The following FHIT variants were observed in gnomAD, a reference collection of about 807,000 sequenced individuals.
The protein encoded by FHIT is bis(5'-adenosyl)-triphosphatase.
In FHIT, 19 loss-of-function variants were observed where a neutral mutation model predicts 17.9. The observed-to-expected ratio is 1.06, with a 90% CI of 0.74 to 1.56. FHIT has a LOEUF of 1.56. Among genes scored for constraint, FHIT ranks in the 40% most tolerant of loss-of-function variants. FHIT has a pLI of 0.00. For synonymous variants in FHIT, 81 were observed against 69.7 expected (o/e 1.16, Z -0.81); for missense variants, 248 against 189.2 (o/e 1.31, Z -1.82).
At chr3:61,085,462 T>C (rs1168792717) in intron 2 of FHIT, among the ~76,000 whole-genome samples, 2 of 152,158 alleles carry the variant, frequency 1.3e-5, no homozygotes, top group Non-Finnish European at 2.9e-5. Flanking sequence ...TTAATGTATA[T>C]GCTTTGGTTT....
chr3:61,207,652 G>A (rs190341759), intron 1 of FHIT, among the ~76,000 whole-genome samples: 1 of 152,150 alleles, frequency 6.6e-6, no homozygotes, highest in African/African-American at 2.4e-5. Flanking sequence ...ATTTCTGTGG[G>A]ATCGGTGTTG....
intron 4 of FHIT, among the ~76,000 whole-genome samples, chr3:60,744,910 G>A (rs1397011500): frequency 1.3e-5 from 2 of 152,046 alleles, no homozygotes; most frequent in Non-Finnish European, 2.9e-5. Context: ...GCTGAGTGAC[G>A]GGGATATCAA....
At chr3:59,986,534 TATATATACACACACAC>T (rs1428745592) in intron 7 of FHIT, among the ~76,000 whole-genome samples, 1 of 11,896 alleles carries the variant, frequency 8.4e-5, no homozygotes, top group African/African-American at 4.4e-4. Context: ...TATATATATA[TATATATACACACACAC>T]ACACACACAC....
chr3:59,827,177 A>G (rs185878493), intron 8 of FHIT, among the ~76,000 whole-genome samples: 99 of 152,312 alleles, frequency 6.5e-4, no homozygotes, highest in African/African-American at 2.3e-3. Flanking sequence ...TGCGGTCAGC[A>G]TCTCATCTAA....
chr3:60,788,892 T>C (rs1700675200), intron 4 of FHIT, among the ~76,000 whole-genome samples: 1 of 152,062 alleles, frequency 6.6e-6, no homozygotes, highest in African/African-American at 2.4e-5. Context: ...TCAAATGTTT[T>C]ACATAGGCTA....
intron 5 of FHIT, among the ~76,000 whole-genome samples, chr3:60,494,925 C>G (rs964586219): frequency 6.6e-6 from 1 of 152,164 alleles, no homozygotes; most frequent in Non-Finnish European, 1.5e-5. Context: ...GTGAACAGTG[C>G]TGCAACAAAC....
chr3:60,860,130 CTG>C (rs1703588493), intron 3 of FHIT, among the ~76,000 whole-genome samples: 1 of 145,148 alleles, frequency 6.9e-6, no homozygotes, highest in Non-Finnish European at 1.5e-5. Context: ...AATGATATAT[CTG>C]ATATATATAC....
intron 4 of FHIT, among the ~76,000 whole-genome samples, chr3:60,542,606 T>C (rs796106688): frequency 7.2e-5 from 11 of 152,314 alleles, no homozygotes; most frequent in African/African-American, 2.4e-4. Context: ...CTCTTTCATA[T>C]TGCTTTCCTC....
intron 7 of FHIT, among the ~76,000 whole-genome samples, chr3:59,924,523 G>A (rs986823232): frequency 6.6e-6 from 1 of 152,106 alleles, no homozygotes; most frequent in African/African-American, 2.4e-5. Context: ...TTGTTAAGAG[G>A]ATTAAGTCTG....
At chr3:60,258,200 G>A (rs1194123565) in intron 5 of FHIT, among the ~76,000 whole-genome samples, 1 of 151,884 alleles carries the variant, frequency 6.6e-6, no homozygotes, top group African/African-American at 2.4e-5. Flanking sequence ...TTCCCTTCCT[G>A]GCAGGTGACT....
intron 5 of FHIT, among the ~76,000 whole-genome samples, chr3:60,364,914 G>C (rs1700046191): frequency 6.6e-6 from 1 of 152,010 alleles, no homozygotes; most frequent in Non-Finnish European, 1.5e-5. Flanking sequence ...TGGACCTTGG[G>C]CCTAATTAGA....
chr3:61,013,960 T>TA (rs2107629304), intron 3 of FHIT, among the ~76,000 whole-genome samples: 1 of 152,316 alleles, frequency 6.6e-6, no homozygotes, highest in African/African-American at 2.4e-5. Flanking sequence ...TCAGTTTTCT[T>TA]ATCTGTAAAA....
chr3:59,917,831 C>T (rs1278664818), intron 8 of FHIT, among the ~76,000 whole-genome samples: 2 of 152,190 alleles, frequency 1.3e-5, no homozygotes, highest in African/African-American at 2.4e-5. Context: ...GAGTAGCTCT[C>T]GAGCCTGCTT....
intron 7 of FHIT, among the ~76,000 whole-genome samples, chr3:59,965,817 C>T (rs1215930650): frequency 1.3e-5 from 2 of 152,072 alleles, no homozygotes; most frequent in Non-Finnish European, 2.9e-5. Flanking sequence ...ACAAATGAAA[C>T]TAGATCAGCA....
intron 1 of FHIT, among the ~76,000 whole-genome samples, chr3:61,209,697 C>A (rs887957564): frequency 6.6e-6 from 1 of 152,162 alleles, no homozygotes; most frequent in African/African-American, 2.4e-5. Flanking sequence ...ATTGGTTATT[C>A]TAGTTAGCCA....
intron 5 of FHIT, among the ~76,000 whole-genome samples, chr3:60,284,847 G>A (rs1019544302): frequency 9.9e-5 from 15 of 152,072 alleles, no homozygotes; most frequent in African/African-American, 3.6e-4. Flanking sequence ...TACTGTACTA[G>A]AATTTTGTTC....
rs200494306 is a variant in FHIT, at chr3:59,815,889, T to TA, written c.349-63569dup. On this transcript the variant is annotated intron_variant, in intron 8 of 9. Transcript: ENST00000492590. ...CCTGTTCCCCAATAACCTATAGAAA[T>TA]AAAAAAAAAATTTAAATCAGCTAGA... Among the ~76,000 whole-genome samples the TA allele has an allele frequency of 9.2e-3, 1,362 of 148,556 alleles. 13 individuals are homozygous for TA. The highest frequency in any genetic ancestry group is 0.041 in the East Asian group (211 of 5,098).
chr3:59,984,266 A>G (rs1032627216), intron 7 of FHIT, among the ~76,000 whole-genome samples: 2 of 152,074 alleles, frequency 1.3e-5, no homozygotes, highest in African/African-American at 4.8e-5. Flanking sequence ...CAAATGGATT[A>G]TTTGAGAGAT....
intron 5 of FHIT, among the ~76,000 whole-genome samples, chr3:60,384,145 A>G (rs1181365262): frequency 6.6e-6 from 1 of 151,886 alleles, no homozygotes; most frequent in Non-Finnish European, 1.5e-5. Context: ...CTGCGTGCCT[A>G]TAATCCCAGC....
Sources: gnomAD v4.1 joint callset for allele counts (sites outside exome capture counted in the v4.1 genomes callset) on GRCh38, gnomAD v4.1.1 for gene constraint, MANE v1.5 for transcripts, NCBI Gene and HGNC (gene_info 2026-07-23, HGNC 2026-07-21) for gene names.